The following MANBA variants were observed in gnomAD, a reference collection of about 807,000 sequenced individuals.
MANBA encodes beta-mannosidase.
Under a neutral mutation model 111.1 loss-of-function variants are expected in MANBA, and 83 were observed. The observed-to-expected ratio is 0.75, with a 90% CI of 0.63 to 0.90. The LOEUF is 0.90. Ranked by LOEUF, MANBA falls within the 40% of genes least tolerant of loss-of-function variation. The pLI is 0.00. For synonymous variants in MANBA, 370 were observed against 378.7 expected, an observed-to-expected ratio of 0.98 and a Z score of 0.27; for missense variants, 1,036 against 1,069.0, an observed-to-expected ratio of 0.97 and a Z score of 0.43.
intron 4 of MANBA, among the ~76,000 whole-genome samples, chr4:102,716,268 C>T (rs768744526): frequency 7.1e-6 from 1 of 140,498 alleles, no homozygotes. Context: ...GAGATCGCAC[C>T]ACTGCACTCC....
intron 1 of MANBA, among the ~76,000 whole-genome samples, chr4:102,739,452 T>C (rs1436460761): frequency 6.6e-6 from 1 of 152,164 alleles, no homozygotes; most frequent in African/African-American, 2.4e-5. Flanking sequence ...TAAATAATTA[T>C]ATGAAGCCAG....
chr4:102,676,136 T>G (rs912606645), intron 7 of MANBA, among the ~76,000 whole-genome samples: 1 of 152,172 alleles, frequency 6.6e-6, no homozygotes, highest in African/African-American at 2.4e-5. Context: ...GAAGTGAAAT[T>G]ATGATGAAAG....
In MANBA at chr4:102,650,564, T is replaced by A. The variant is rs773337959; in HGVS notation, c.1842A>T (p.Thr614=). 1.2e-6 allele frequency: 2 copies of A among 1,613,350 alleles called. No homozygotes were observed. Among genetic ancestry groups the A allele is most frequent in the Admixed American group, 3.3e-5 (2 of 59,986 alleles). Residue 614 remains threonine, a synonymous_variant, in exon 13 of 17, where the codon ACA becomes ACT. Coordinates refer to ENST00000647097, the MANE Select transcript of MANBA (RefSeq NM_005908.4). Reference sequence around the variant, plus strand: ...GAGTAAGGTAGATGGTATCTTTAAATGTGCGTAATGGATCTGTGCTTTGGG... The same window carrying A: ...GAGTAAGGTAGATGGTATCTTTAAAAGTGCGTAATGGATCTGTGCTTTGGG... ...KLPQSTDPLR[T]FKDTIYLTQV...
At chr4:102,720,135 G>C (rs1374968401) in intron 4 of MANBA, among the ~76,000 whole-genome samples, 1 of 152,104 alleles carries the variant, frequency 6.6e-6, no homozygotes, top group Non-Finnish European at 1.5e-5. Context: ...TTTTGATAAA[G>C]GTTAAAAATG....
At chr4:102,741,334 C>T (rs1238764318) in intron 1 of MANBA, among the ~76,000 whole-genome samples, 2 of 152,162 alleles carry the variant, frequency 1.3e-5, no homozygotes, top group African/African-American at 2.4e-5. Context: ...CAATTTTACA[C>T]TGCTGGATGG....
At chr4:102,666,971 C>T (rs1368449007) in intron 10 of MANBA, 5 of 152,136 alleles carry the variant, frequency 3.3e-5, no homozygotes, top group African/African-American at 1.2e-4. Context: ...TGGTTTTTCA[C>T]AAAATATACA....
rs75412434 is a variant in MANBA at position 102,653,418 on chromosome 4, G to A, written c.1705-2717C>T. On this transcript the variant is annotated intron_variant, in intron 12 of 16. Coordinates refer to ENST00000647097, the MANE Select transcript of MANBA (RefSeq NM_005908.4). ...TCCAAAGCCCAAACTTTTAATCACC[G>A]TGCAATATTGATAATCACATGTTAA... Among the ~76,000 whole-genome samples the A allele has an allele frequency of 1.4e-3, 206 of 152,144 alleles. 1 individual carries two copies. The highest frequency in any genetic ancestry group is 0.011 in the East Asian group (58 of 5,188).
intron 4 of MANBA, among the ~76,000 whole-genome samples, chr4:102,717,768 C>G (rs1443435457): frequency 6.6e-6 from 1 of 152,074 alleles, no homozygotes; most frequent in Admixed American, 6.6e-5. Context: ...ATTCCAGAAG[C>G]TGAAGAGAGA....
chr4:102,695,253 A>G (rs1732655328), intron 5 of MANBA, among the ~76,000 whole-genome samples: 1 of 151,926 alleles, frequency 6.6e-6, no homozygotes, highest in African/African-American at 2.4e-5. Flanking sequence ...ATGTAGTTGG[A>G]GGGGGGACAA....
intron 4 of MANBA, among the ~76,000 whole-genome samples, chr4:102,717,035 A>G (rs1722365498): frequency 6.6e-6 from 1 of 152,168 alleles, no homozygotes; most frequent in Admixed American, 6.5e-5. Context: ...GAATTTTAGT[A>G]TCTATTTGTA....
chr4:102,639,311 C>T (rs779262337), intron 14 of MANBA, among the ~76,000 whole-genome samples: 3 of 152,162 alleles, frequency 2.0e-5, no homozygotes, highest in Non-Finnish European at 4.4e-5. Flanking sequence ...AACACATAAG[C>T]GGGCCAAACT....
intron 11 of MANBA, among the ~76,000 whole-genome samples, chr4:102,661,555 TGAA>T (rs1227542270): frequency 1.3e-5 from 2 of 152,216 alleles, no homozygotes; most frequent in African/African-American, 2.4e-5. Context: ...TGAAGAACAT[TGAA>T]GAAGAAGGCC....
rs528198456 is a variant in MANBA at position 102,698,208 on chromosome 4, T to A, written c.674-7437A>T. Among the ~76,000 whole-genome samples the A allele has an allele frequency of 5.4e-3, 818 of 152,284 alleles. 12 individuals carry two copies. The highest frequency in any genetic ancestry group is 0.019 in the African/African-American group (777 of 41,530). ...GCCCACTTTTTGATGGGGTTGTTTGTCTTTTTCTTGTAAATTTGTTTGAGT... is the reference window on the plus strand; with the variant it reads ...GCCCACTTTTTGATGGGGTTGTTTGACTTTTTCTTGTAAATTTGTTTGAGT... On this transcript the variant is annotated intron_variant, in intron 5 of 16. Coordinates refer to ENST00000647097, the MANE Select transcript of MANBA (RefSeq NM_005908.4).
chr4:102,729,705 TG>T, intron 1 of MANBA: 1 of 1,551,128 alleles, frequency 6.4e-7, no homozygotes, highest in Non-Finnish European at 8.9e-7. Context: ...CAGCTTCTCC[TG>T]GCCCAGAGTC....
chr4:102,657,556 T>C (rs980082337), intron 12 of MANBA, 126 bp downstream of exon 12: 13 of 805,582 alleles, frequency 1.6e-5, no homozygotes, highest in African/African-American at 8.7e-5. Flanking sequence ...TTTTCCTCCA[T>C]CTTCTTCTCA....
chr4:102,755,151 C>G (rs1723961541), intron 1 of MANBA, among the ~76,000 whole-genome samples: 1 of 152,098 alleles, frequency 6.6e-6, no homozygotes, highest in Admixed American at 6.6e-5. Context: ...CAAAAAAAGC[C>G]CACATTGCCA....
Position 102,690,786 on chromosome 4 carries a change from G to A in MANBA, c.674-15C>T, listed in dbSNP as rs1252640331. 1.8e-6 allele frequency: 2 copies of A among 1,130,040 alleles called. No homozygotes were observed. The highest frequency in any genetic ancestry group is 1.2e-6 in the Non-Finnish European group (1 of 812,526). The allele number at this position is 1,130,040 out of a possible 1,614,324, so 70.0% of individuals were successfully genotyped here. A position where few individuals can be genotyped will look rare whatever the true frequency, so the allele number is the denominator to read the frequency against. ...GGCACTCTTATCTAAAATATAAAAAGAAAAAGAAATATATATATATATATA... is the reference window on the plus strand; with the variant it reads ...GGCACTCTTATCTAAAATATAAAAAAAAAAAGAAATATATATATATATATA... On this transcript the variant is annotated splice_polypyrimidine_tract_variant and intron_variant, in intron 5 of 16. Coordinates refer to ENST00000647097, the MANE Select transcript of MANBA (RefSeq NM_005908.4).
intron 1 of MANBA, among the ~76,000 whole-genome samples, chr4:102,738,249 A>G (rs1723287817): frequency 6.6e-6 from 1 of 152,270 alleles, no homozygotes; most frequent in Non-Finnish European, 1.5e-5. Flanking sequence ...CTGGTTAACC[A>G]GAAGTACTGA....
At chr4:102,727,738 T>C (rs1255823100) in intron 1 of MANBA, 11 of 827,626 alleles carry the variant, frequency 1.3e-5, no homozygotes, top group Middle Eastern at 7.1e-4. Context: ...CCTTCTGGCA[T>C]AGTAGTGTTT....
Sources: gnomAD v4.1 joint callset for allele counts (sites outside exome capture counted in the v4.1 genomes callset) on GRCh38, gnomAD v4.1.1 for gene constraint, MANE v1.5 for transcripts, NCBI Gene and HGNC (gene_info 2026-07-23, HGNC 2026-07-21) for gene names.